The following RYR3 variants were observed in gnomAD, a reference collection of about 807,000 sequenced individuals.
RYR3 encodes brain ryanodine receptor-calcium release channel.
RYR3 carries 207 observed loss-of-function variants against 584.3 expected under a neutral mutation model. The observed-to-expected ratio is 0.35, with a 90% CI of 0.32 to 0.40. RYR3 has a LOEUF of 0.40. Ranked by LOEUF, RYR3 falls within the 10% of genes least tolerant of loss-of-function variation. The probability of loss-of-function intolerance (pLI) is 1.00; values close to 1 mark genes in which losing one functional copy is unlikely to be tolerated. For synonymous variants in RYR3, 2,416 were observed against 2,248.5 expected (o/e 1.07, Z -2.11); for missense variants, 5,616 against 6,089.2 (o/e 0.92, Z 2.59).
chr15:33,314,940 AC>A lies in RYR3; in HGVS notation c.51+3846del, dbSNP rs376280225. Among the ~76,000 whole-genome samples, 1,040 of 141,918 alleles carry A rather than the reference AC, an allele frequency of 7.3e-3. 10 individuals carry two copies. The highest frequency in any genetic ancestry group is 0.031 in the African/African-American group (1,008 of 32,688). 93.1% of individuals were successfully genotyped at this position (141,918 alleles called of 152,430 possible). On this transcript the variant is annotated intron_variant, in intron 1 of 103. Transcript: ENST00000634891. ...AAGAAAACAAACAACAAAAAAAAAA[AC>A]CAAAAAAAAACAACAACAACAAAAA...
intron 1 of RYR3, among the ~76,000 whole-genome samples, chr15:33,443,029 C>T (rs1434694333): frequency 2.0e-5 from 3 of 152,092 alleles, no homozygotes; most frequent in African/African-American, 7.2e-5. Context: ...GAGGCCAAGG[C>T]GGGCAGATCA....
Position 33,556,677 on chromosome 15 carries a change from C to T in RYR3, c.973-6160C>T, listed in dbSNP as rs367923243. On this transcript the variant is annotated intron_variant, in intron 10 of 103. Coordinates refer to ENST00000634891, the MANE Select transcript of RYR3 (RefSeq NM_001036.6). Reference sequence around the variant, plus strand: ...AACCTGTAGAATAGAGTTCAGAGTCCTTAATTTTTGCTCTCATCTCTTTCT... The same window carrying T: ...AACCTGTAGAATAGAGTTCAGAGTCTTTAATTTTTGCTCTCATCTCTTTCT... Among the ~76,000 whole-genome samples the T allele has an allele frequency of 3.1e-3, 473 of 152,216 alleles. 2 individuals carry two copies. Among genetic ancestry groups the T allele is most frequent in the African/African-American group, 0.011 (446 of 41,532 alleles).
intron 87 of RYR3, among the ~76,000 whole-genome samples, chr15:33,836,032 A>G (rs2078021696): frequency 6.6e-6 from 1 of 151,608 alleles, no homozygotes; most frequent in Non-Finnish European, 1.5e-5. Context: ...TTTTGTATAT[A>G]GCTGTGATAC....
In RYR3 at chr15:33,636,381, G is replaced by A. The variant is rs2061501234; in HGVS notation, c.3387G>A (p.Gln1129=). 1.2e-6 allele frequency: 2 copies of A among 1,613,930 alleles called. No homozygotes were observed. The highest frequency in any genetic ancestry group is 1.7e-6 in the Non-Finnish European group (2 of 1,179,850). ...QAFVFEGNRG[Q]RWHQGSGYFG... Reference sequence around the variant, plus strand: ...CCTAGAGTCTTGTTTTCTAGGGCCAGCGTTGGCATCAAGGAAGTGGGTATT... The same window carrying A: ...CCTAGAGTCTTGTTTTCTAGGGCCAACGTTGGCATCAAGGAAGTGGGTATT... Residue 1129 remains glutamine, a synonymous_variant, in exon 27 of 104, where the codon CAG becomes CAA. Transcript: ENST00000634891.
intron 38 of RYR3, among the ~76,000 whole-genome samples, chr15:33,683,215 C>T (rs754798087): frequency 6.6e-6 from 1 of 151,946 alleles, no homozygotes; most frequent in African/African-American, 2.4e-5. Context: ...AGGATGATCT[C>T]GATCTCCTGA....
intron 2 of RYR3, among the ~76,000 whole-genome samples, chr15:33,500,672 G>T (rs539714340): frequency 6.6e-6 from 1 of 152,082 alleles, no homozygotes; most frequent in Non-Finnish European, 1.5e-5. Context: ...CACTTGCCCC[G>T]TGCCTGCCAG....
At chr15:33,632,904 T>G (rs767455694) in intron 23 of RYR3, 45 bp from the exon 24 acceptor site, 7 of 1,546,632 alleles carry the variant, frequency 4.5e-6, no homozygotes, top group Non-Finnish European at 6.2e-6. Flanking sequence ...AATGAGAAAC[T>G]CATGGAGATC....
intron 36 of RYR3, among the ~76,000 whole-genome samples, chr15:33,667,969 A>G (rs976464452): frequency 5.5e-4 from 84 of 151,446 alleles, no homozygotes; most frequent in African/African-American, 2.0e-3. Context: ...ACCCTGAGGC[A>G]GGAGAATCAC....
At position 33,570,839 on chromosome 15, in the gene RYR3, TAATTA is replaced by T. The variant is rs1365427738; in HGVS notation, c.1268+4041_1268+4045del. On this transcript the variant is annotated intron_variant, in intron 12 of 103. Transcript: ENST00000634891. ...ATTCTTTTTGGTGCTACTACAAATA[TAATTA>T]TTTTTTTGATTTCATTTCAGATTAT... Among the ~76,000 whole-genome samples the T allele has an allele frequency of 3.4e-4, 7 of 20,400 alleles. No individual in the cohort carries two copies. The South Asian group carries it at 0.01, about 31-fold the overall frequency. The allele number at this position is 20,400 out of a possible 152,430, so 13.4% of individuals were successfully genotyped here.
intron 19 of RYR3, among the ~76,000 whole-genome samples, chr15:33,621,050 T>C (rs2152588058): frequency 6.6e-6 from 1 of 152,366 alleles, no homozygotes; most frequent in South Asian, 2.1e-4. Flanking sequence ...TCAGTCTCCT[T>C]TTAATAACTG....
intron 1 of RYR3, among the ~76,000 whole-genome samples, chr15:33,347,025 T>C (rs1187833500): frequency 6.6e-6 from 1 of 152,148 alleles, no homozygotes. Context: ...AGTATGTGTT[T>C]TGGGGAGGAA....
At position 33,594,889 on chromosome 15, in the gene RYR3, A is replaced by G. The variant is rs150145729; in HGVS notation, c.1789-6530A>G. On this transcript the variant is annotated intron_variant, in intron 16 of 103. Coordinates refer to ENST00000634891, the MANE Select transcript of RYR3 (RefSeq NM_001036.6). ...TTACTGATAATGTACACTAAGGTACATCAGAATTACAGGAGTTTTCCATAA... is the reference window on the plus strand; with the variant it reads ...TTACTGATAATGTACACTAAGGTACGTCAGAATTACAGGAGTTTTCCATAA... Among the ~76,000 whole-genome samples the G allele has an allele frequency of 1.4e-3, 211 of 152,372 alleles. 2 individuals carry two copies. Among genetic ancestry groups the G allele is most frequent in the African/African-American group, 4.6e-3 (193 of 41,602 alleles).
intron 38 of RYR3, among the ~76,000 whole-genome samples, chr15:33,682,191 G>A (rs191993003): frequency 9.9e-5 from 15 of 152,242 alleles, no homozygotes; most frequent in Admixed American, 7.2e-4. Context: ...TAAAGTCAGA[G>A]CAGAAAGTTA....
intron 27 of RYR3, among the ~76,000 whole-genome samples, chr15:33,643,186 C>T (rs1459229238): frequency 2.0e-5 from 3 of 152,128 alleles, no homozygotes; most frequent in Non-Finnish European, 2.9e-5. Flanking sequence ...GGGAGTGACA[C>T]CACTTTCTTC....
chr15:33,435,074 C>T (rs2141792425), intron 1 of RYR3, among the ~76,000 whole-genome samples: 1 of 152,236 alleles, frequency 6.6e-6, no homozygotes, highest in Non-Finnish European at 1.5e-5. Flanking sequence ...CCCGCCTCGA[C>T]CTCCCAAAGT....
intron 67 of RYR3, among the ~76,000 whole-genome samples, chr15:33,789,627 TATATATATATA>T (rs2074977142): frequency 1.1e-4 from 1 of 9,248 alleles, no homozygotes; most frequent in African/African-American, 3.2e-4. Context: ...TTTTATTTTA[TATATATATATA>T]TATATATATA....
At chr15:33,621,678 T>C (rs535047939) in intron 19 of RYR3, among the ~76,000 whole-genome samples, 2 of 152,084 alleles carry the variant, frequency 1.3e-5, no homozygotes, top group East Asian at 1.9e-4. Context: ...AACTGGGAGG[T>C]TTAGTATGAT....
At chr15:33,475,602 G>A (rs2049304622) in intron 2 of RYR3, among the ~76,000 whole-genome samples, 1 of 152,186 alleles carries the variant, frequency 6.6e-6, no homozygotes, top group Non-Finnish European at 1.5e-5. Context: ...CATGAACTGG[G>A]TCCATGGCCC....
In RYR3 at chr15:33,487,043, C is replaced by T. The variant is rs141662675; in HGVS notation, c.171+13505C>T. On this transcript the variant is annotated intron_variant, in intron 2 of 103. Transcript: ENST00000634891. Reference sequence around the variant, plus strand: ...CAAAAACCCATACCTACTAAAAATACAAAAATTAGCCAGGTGTGGTGGTGG... The same window carrying T: ...CAAAAACCCATACCTACTAAAAATATAAAAATTAGCCAGGTGTGGTGGTGG... 4.7e-3 allele frequency among the ~76,000 whole-genome samples: 717 copies of T among 152,076 alleles called. 7 individuals are homozygous for T. The highest frequency in any genetic ancestry group is 0.017 in the African/African-American group (691 of 41,468).
Sources: gnomAD v4.1 joint callset for allele counts (sites outside exome capture counted in the v4.1 genomes callset) on GRCh38, gnomAD v4.1.1 for gene constraint, MANE v1.5 for transcripts, NCBI Gene and HGNC (gene_info 2026-07-23, HGNC 2026-07-21) for gene names.